Variants in OCA2 observed in about 807,000 individuals in gnomAD.
OCA2 encodes the protein P protein.
A neutral mutation model predicts 100.2 loss-of-function variants in OCA2; 77 were observed. That is an observed-to-expected ratio of 0.77 (90% CI 0.64 to 0.93). The LOEUF (loss-of-function observed/expected upper bound fraction) is 0.93. OCA2 is among the 40% of genes least tolerant of loss of function. The pLI is 0.00. For missense variants in OCA2, 1,062 were observed against 1,089.1 expected, an observed-to-expected ratio of 0.98 and a Z score of 0.35; for synonymous variants, 432 against 439.2, an observed-to-expected ratio of 0.98 and a Z score of 0.21.
intron 23 of OCA2, among the ~76,000 whole-genome samples, chr15:27,793,192 A>T (rs189647682): frequency 6.6e-6 from 1 of 152,312 alleles, no homozygotes; most frequent in East Asian, 1.9e-4. Context: ...CTATTACAGG[A>T]TGCTTTTTCC....
At chr15:27,920,512 A>T (rs2038819753) in intron 19 of OCA2, among the ~76,000 whole-genome samples, 1 of 152,142 alleles carries the variant, frequency 6.6e-6, no homozygotes, top group South Asian at 2.1e-4. Context: ...ATATGCAAAA[A>T]ATAAAGGAAA....
intron 23 of OCA2, among the ~76,000 whole-genome samples, chr15:27,844,201 C>T (rs1595502817): frequency 6.6e-6 from 1 of 152,164 alleles, no homozygotes; most frequent in East Asian, 1.9e-4. Context: ...CCGCTGGACG[C>T]CCCCACCGAG....
chr15:27,811,251 G>C (rs1161438633), intron 23 of OCA2, among the ~76,000 whole-genome samples: 1 of 152,156 alleles, frequency 6.6e-6, no homozygotes, highest in Non-Finnish European at 1.5e-5. Flanking sequence ...TCTAAGTGAA[G>C]TAACTCAGGA....
intron 1 of OCA2, among the ~76,000 whole-genome samples, chr15:28,093,902 G>C (rs1038491137): frequency 2.6e-5 from 4 of 152,152 alleles, no homozygotes; most frequent in South Asian, 4.1e-4. Flanking sequence ...TATATCAATG[G>C]GGAACAGGTT....
intron 9 of OCA2, 30 bp from the exon 10 acceptor site, chr15:27,990,677 T>C: frequency 1.2e-6 from 2 of 1,602,990 alleles, no homozygotes; most frequent in Non-Finnish European, 1.7e-6. Context: ...ATTACCGCGT[T>C]CCAGTGCACG....
At chr15:27,876,041 C>T (rs374345058) in intron 19 of OCA2, among the ~76,000 whole-genome samples, 1 of 152,104 alleles carries the variant, frequency 6.6e-6, no homozygotes. Context: ...AAGAACTAGG[C>T]CCTTCAGTAC....
intron 23 of OCA2, among the ~76,000 whole-genome samples, chr15:27,788,806 C>T (rs999928520): frequency 2.6e-5 from 4 of 151,866 alleles, no homozygotes; most frequent in Non-Finnish European, 5.9e-5. Context: ...ACTACTTTCA[C>T]TTATGTTAAA....
At chr15:27,922,222 T>A (rs2038883352) in intron 19 of OCA2, among the ~76,000 whole-genome samples, 1 of 152,224 alleles carries the variant, frequency 6.6e-6, no homozygotes, top group African/African-American at 2.4e-5. Flanking sequence ...ACTTCCAGCA[T>A]CACTAATGGC....
At chr15:27,910,393 G>A (rs1476606331) in intron 19 of OCA2, among the ~76,000 whole-genome samples, 1 of 152,136 alleles carries the variant, frequency 6.6e-6, no homozygotes, top group Non-Finnish European at 1.5e-5. Flanking sequence ...CCGTAGTGTT[G>A]TTTGTAATCA....
chr15:27,793,306 T>C (rs2033171928), intron 23 of OCA2, among the ~76,000 whole-genome samples: 1 of 152,166 alleles, frequency 6.6e-6, no homozygotes, highest in Admixed American at 6.5e-5. Flanking sequence ...TTATGAGTGT[T>C]TGCGAAACTA....
intron 19 of OCA2, among the ~76,000 whole-genome samples, chr15:27,921,549 T>A (rs747018535): frequency 9.9e-5 from 15 of 152,082 alleles, no homozygotes; most frequent in South Asian, 2.1e-4. Flanking sequence ...ACACACAAAC[T>A]GACCCTCAAA....
chr15:28,083,054 T>A (rs2044702751), intron 1 of OCA2, among the ~76,000 whole-genome samples: 1 of 152,220 alleles, frequency 6.6e-6, no homozygotes, highest in Admixed American at 6.5e-5. Context: ...CCATGCAGGA[T>A]GTCTGGCGCT....
intron 19 of OCA2, among the ~76,000 whole-genome samples, chr15:27,901,394 G>A (rs2037925892): frequency 6.6e-6 from 1 of 152,200 alleles, no homozygotes; most frequent in Non-Finnish European, 1.5e-5. Context: ...CTTGATGGGT[G>A]GGAGGAACAA....
chr15:27,738,530 T>G, the OCA2 span, among the ~76,000 whole-genome samples: 1 of 152,026 alleles, frequency 6.6e-6, no homozygotes, highest in Non-Finnish European at 1.5e-5. Flanking sequence ...GGTCAGGAGA[T>G]CGAGACCATC....
At chr15:28,070,583 T>G (rs1595908671) in intron 2 of OCA2, among the ~76,000 whole-genome samples, 2 of 142,524 alleles carry the variant, frequency 1.4e-5, no homozygotes, top group East Asian at 2.1e-4. Flanking sequence ...GTCTGGGAGG[T>G]GAGGGGCGCC....
intron 17 of OCA2, among the ~76,000 whole-genome samples, chr15:27,953,686 T>C (rs929260843): frequency 1.3e-5 from 2 of 152,136 alleles, no homozygotes; most frequent in African/African-American, 4.8e-5. Flanking sequence ...TGGAGGTTTT[T>C]TGGGGGTATC....
chr15:27,792,739 C>T (rs916110896), intron 23 of OCA2, among the ~76,000 whole-genome samples: 1 of 152,228 alleles, frequency 6.6e-6, no homozygotes, highest in South Asian at 2.1e-4. Context: ...CCTGTTAGGG[C>T]GTAAGCTACT....
chr15:27,872,700 T>G (rs953119974), intron 19 of OCA2, among the ~76,000 whole-genome samples: 3 of 151,752 alleles, frequency 2.0e-5, no homozygotes, highest in Non-Finnish European at 2.9e-5. Context: ...AATTTTTTTT[T>G]TTTTTTTGAG....
In OCA2 at chr15:27,889,751, G is replaced by A. The variant is rs573580617; in HGVS notation, c.2080-17829C>T. Among the ~76,000 whole-genome samples the A allele has an allele frequency of 2.0e-5, 3 of 152,310 alleles. No homozygotes were observed. The South Asian group carries it at 6.2e-4, about 32-fold the overall frequency. ...CTGGGGAGGATGTGCCATCCAGGAG[G>A]GATGCCATTTTGATGTACCTGTTTG... On this transcript the variant is annotated intron_variant, in intron 19 of 23. Coordinates refer to ENST00000354638, the MANE Select transcript of OCA2 (RefSeq NM_000275.3).
Sources: gnomAD v4.1 joint callset for allele counts (sites outside exome capture counted in the v4.1 genomes callset) on GRCh38, gnomAD v4.1.1 for gene constraint, MANE v1.5 for transcripts, NCBI Gene and HGNC (gene_info 2026-07-23, HGNC 2026-07-21) for gene names.